The following SUPT20H variants were observed in gnomAD, a reference collection of about 807,000 sequenced individuals.
The protein encoded by SUPT20H is SPT20 homolog, SAGA complex component.
In SUPT20H, 82 loss-of-function variants were observed where a neutral mutation model predicts 122.8. The observed-to-expected ratio is 0.67, with a 90% confidence interval of 0.56 to 0.80. The LOEUF (loss-of-function observed/expected upper bound fraction) is 0.80, where lower values mean the gene tolerates loss of function less well. Ranked by LOEUF, SUPT20H falls within the 30% of genes least tolerant of loss-of-function variation. The pLI, the probability that SUPT20H is intolerant of heterozygous loss-of-function variation, is 0.00. For missense variants in SUPT20H, 831 were observed against 921.6 expected, an observed-to-expected ratio of 0.90 and a Z score of 1.27; for synonymous variants, 291 against 313.0, an observed-to-expected ratio of 0.93 and a Z score of 0.74.
chr13:37,034,866 A>G (rs1481432999), intron 9 of SUPT20H, among the ~76,000 whole-genome samples: 3 of 152,234 alleles, frequency 2.0e-5, no homozygotes, highest in Non-Finnish European at 1.5e-5. Context: ...TGAAAATCCT[A>G]CAATCCTTAA....
intron 5 of SUPT20H, chr13:37,046,912 A>C (rs890139677): frequency 6.6e-6 from 1 of 152,130 alleles, no homozygotes. Flanking sequence ...TTTGGCCTAA[A>C]TAGTAAAACT....
chr13:37,044,531 G>A (rs1015374543), intron 6 of SUPT20H, among the ~76,000 whole-genome samples: 3 of 152,072 alleles, frequency 2.0e-5, no homozygotes, highest in Non-Finnish European at 4.4e-5. Flanking sequence ...GGACAATTTG[G>A]TGCCTTATCT....
rs550498656 is a variant in SUPT20H, at chr13:37,024,875, GTT to G, written c.1330-435_1330-434del. 8.1e-5 allele frequency: 14 copies of G among 172,262 alleles called. No individual in the cohort carries two copies. The South Asian group carries it at 1.7e-3, about 20-fold the overall frequency. The allele number at this position is 172,262 out of a possible 1,614,324, so 10.7% of individuals were successfully genotyped here. A position where few individuals can be genotyped will look rare whatever the true frequency, so the allele number is the denominator to read the frequency against. On this transcript the variant is annotated intron_variant, in intron 17 of 25. Coordinates refer to ENST00000350612, the MANE Select transcript of SUPT20H (RefSeq NM_001014286.3). ...ACATTTAAAAATCATGTTATAAAGA[GTT>G]AAATAATTTTAAAAAAAGGTAAAAG...
intron 1 of SUPT20H, chr13:37,059,168 G>A (rs2070030707): frequency 6.6e-6 from 1 of 152,200 alleles, no homozygotes; most frequent in Non-Finnish European, 1.5e-5. Flanking sequence ...CCCATTGCAG[G>A]AGCTTTTGTC....
At chr13:37,041,116 T>C (rs2065384834) in intron 7 of SUPT20H, among the ~76,000 whole-genome samples, 2 of 152,252 alleles carry the variant, frequency 1.3e-5, no homozygotes, top group African/African-American at 2.4e-5. Context: ...GCCAGTGTTT[T>C]AGCTTCTAGA....
chr13:37,047,484 T>C, intron 5 of SUPT20H, 51 bp downstream of exon 5: 1 of 1,380,100 alleles, frequency 7.2e-7, no homozygotes, highest in Non-Finnish European at 9.5e-7. Context: ...TCCTCCAAAT[T>C]CCTCTCTTCT....
intron 15 of SUPT20H, 65 bp from the exon 16 acceptor site, chr13:37,026,301 G>C: frequency 8.5e-7 from 1 of 1,181,614 alleles, no homozygotes; most frequent in Non-Finnish European, 1.1e-6. Context: ...AAGAAGGCTT[G>C]GGATTACTTT....
chr13:37,022,158 T>C lies in SUPT20H; in HGVS notation c.1592-78A>G. The C allele has an allele frequency of 6.2e-7, 1 of 1,613,868 alleles. No individual in the cohort carries two copies. Among genetic ancestry groups the C allele is most frequent in the Non-Finnish European group, 8.5e-7 (1 of 1,179,898 alleles). Reference sequence around the variant, plus strand: ...TGCCTGGCTCAGAGACCTTTGCTGCTGAGCAAACTGAGTTAACAAAGTGGG... The same window carrying C: ...TGCCTGGCTCAGAGACCTTTGCTGCCGAGCAAACTGAGTTAACAAAGTGGG... On this transcript the variant is annotated intron_variant, in intron 19 of 25. Coordinates refer to ENST00000350612, the MANE Select transcript of SUPT20H (RefSeq NM_001014286.3). This position sits in a 1 kb window ranked among gnomAD's most constrained non-coding sequence, Gnocchi z 4.5.
intron 7 of SUPT20H, among the ~76,000 whole-genome samples, chr13:37,042,986 A>T (rs1466501076): frequency 6.6e-6 from 1 of 152,258 alleles, no homozygotes; most frequent in Non-Finnish European, 1.5e-5. Context: ...AAATGTTCCA[A>T]TTAGCATTTC....
intron 1 of SUPT20H, 37 bp from the exon 2 acceptor site, chr13:37,051,620 T>C: frequency 1.8e-6 from 1 of 563,806 alleles, no homozygotes; most frequent in South Asian, 3.0e-5. Flanking sequence ...AATATTAACA[T>C]AAGGCTATTA....
At chr13:37,026,672 C>T in intron 15 of SUPT20H, 118 bp downstream of exon 15, 1 of 641,430 alleles carries the variant, frequency 1.6e-6, no homozygotes, top group South Asian at 2.3e-5. Flanking sequence ...GAATATATTT[C>T]AAACAAAGTA....
intron 5 of SUPT20H, among the ~76,000 whole-genome samples, chr13:37,046,446 T>C (rs1443041152): frequency 6.6e-6 from 1 of 152,194 alleles, no homozygotes; most frequent in Non-Finnish European, 1.5e-5. Context: ...GGCCAGATAG[T>C]ATTTTACGCT....
rs770369251 is a variant in SUPT20H at position 37,024,420 on chromosome 13, T to C, written c.1352A>G (p.Gln451Arg). ...ETDQTETVSV[Q>R]SSVLGKGVKH... is the part of the protein sequence containing the mutation. ...TACACCCTTCCCCAATACCGAAGAC[T>C]GAACTGACACGGTTTCAGTTTGCTA... The change falls in exon 18 of 26, where the codon CAG becomes CGG. Residue 451 changes from glutamine to arginine, a missense_variant. By Grantham distance (43) the Gln-to-Arg change is conservative (BLOSUM62 1). Coordinates refer to ENST00000350612, the MANE Select transcript of SUPT20H (RefSeq NM_001014286.3). The C allele has an allele frequency of 1.9e-6, 3 of 1,572,722 alleles. No individual in the cohort carries two copies. Among genetic ancestry groups the C allele is most frequent in the South Asian group, 2.4e-5 (2 of 82,584 alleles).
In SUPT20H at chr13:37,025,382, T is replaced by C; in HGVS notation, c.1267A>G (p.Met423Val). Residue 423 changes from methionine to valine, a missense_variant, in exon 17 of 26, where the codon ATG becomes GTG. Coordinates refer to ENST00000350612, the MANE Select transcript of SUPT20H (RefSeq NM_001014286.3). ...VQNEAKCPVK[M>V]SHSSSGSASL... Reference sequence around the variant, plus strand: ...GCTGAGCCACTGGAGCTGTGTGACATCTTGACCGGACATTTGGCTTCATTC... The same window carrying C: ...GCTGAGCCACTGGAGCTGTGTGACACCTTGACCGGACATTTGGCTTCATTC... 1.2e-6 allele frequency: 2 copies of C among 1,614,030 alleles called. No homozygotes were observed. Among genetic ancestry groups the C allele is most frequent in the East Asian group, 2.2e-5 (1 of 44,870 alleles).
chr13:37,019,306 C>CA, intron 22 of SUPT20H, 36 bp downstream of exon 22: 1 of 1,527,466 alleles, frequency 6.5e-7, no homozygotes, highest in Non-Finnish European at 8.9e-7. Context: ...AGTCAATGTA[C>CA]AAAAAATTTA....
chr13:37,044,305 CAA>C (rs34587536), intron 6 of SUPT20H, 124 bp from the exon 7 acceptor site: 1 of 564,906 alleles, frequency 1.8e-6, no homozygotes, highest in Non-Finnish European at 2.8e-6. Flanking sequence ...AAGCAAGGAT[CAA>C]AAAAAATAAA....
intron 17 of SUPT20H, chr13:37,024,947 C>CTTT: frequency 1.2e-5 from 2 of 172,780 alleles, no homozygotes; most frequent in Non-Finnish European, 2.4e-5. Context: ...AAAAATGATT[C>CTTT]TTTTTTTTTT....
chr13:37,040,763 A>G, intron 7 of SUPT20H, 71 bp from the exon 8 acceptor site: 1 of 1,157,272 alleles, frequency 8.6e-7, no homozygotes, highest in South Asian at 1.3e-5. Flanking sequence ...TATATCAAAC[A>G]TTTCGCATTC....
intron 2 of SUPT20H, among the ~76,000 whole-genome samples, chr13:37,049,232 CA>C (rs954594596): frequency 3.3e-5 from 5 of 151,942 alleles, no homozygotes; most frequent in Non-Finnish European, 7.4e-5. Flanking sequence ...AACTCATCAT[CA>C]ATTCAGTAAT....
Sources: allele counts gnomAD v4.1 joint callset (sites outside exome capture counted in the v4.1 genomes callset), GRCh38; gene constraint gnomAD v4.1.1; non-coding constraint Gnocchi (gnomAD v3.1); transcripts MANE v1.5; gene names NCBI Gene and HGNC (gene_info 2026-07-23, HGNC 2026-07-21).